The following MED1 variants were observed in gnomAD, a reference collection of about 807,000 sequenced individuals.
MED1 encodes mediator complex subunit 1.
MED1 carries 17 observed loss-of-function variants against 121.3 expected under a neutral mutation model. That is an observed-to-expected ratio of 0.14 (90% CI 0.10 to 0.21). The LOEUF (loss-of-function observed/expected upper bound fraction) is 0.21. MED1 is among the 10% of genes least tolerant of loss of function. The pLI, the probability that MED1 is intolerant of heterozygous loss-of-function variation, is 1.00. For synonymous variants in MED1, 661 were observed against 694.4 expected (o/e 0.95, Z 0.76); for missense variants, 1,558 against 1,919.4 (o/e 0.81, Z 3.52).
At chr17:39,447,294 G>A (rs2048737182) in intron 2 of MED1, among the ~76,000 whole-genome samples, 1 of 151,788 alleles carries the variant, frequency 6.6e-6, no homozygotes, top group African/African-American at 2.4e-5. Context: ...GGGAGGCTGA[G>A]GCAGAAGAAT....
At position 39,410,041 on chromosome 17, in the gene MED1, T is replaced by C. The variant is rs149954528; in HGVS notation, c.2180A>G (p.Asn727Ser). Reference protein sequence around the residue: ...VDSQNPIFDVNMTADTLDTPH... With the variant: ...VDSQNPIFDVSMTADTLDTPH... Reference sequence around the variant, plus strand: ...CGTATCCAGCGTGTCAGCTGTCATGTTGACATCAAAGATAGGGTTCTGTGA... The same window carrying C: ...CGTATCCAGCGTGTCAGCTGTCATGCTGACATCAAAGATAGGGTTCTGTGA... The change falls in exon 17 of 17, where the codon AAC (asparagine) becomes AGC (serine). Residue 727 changes from asparagine to serine, a missense_variant. By Grantham distance (46) the Asn-to-Ser change is conservative. Transcript: ENST00000300651. The C allele has an allele frequency of 1.4e-4, 226 of 1,614,130 alleles. No individual in the cohort carries two copies. The Middle Eastern group carries it at 4.8e-3, about 34-fold the overall frequency.
chr17:39,408,540 T>C lies in MED1; in HGVS notation c.3681A>G (p.Ser1227=). Residue 1227 remains serine (S), a synonymous_variant, in exon 17 of 17, where the codon TCA becomes TCG. Transcript: ENST00000300651. This position sits in a 1 kb window ranked among gnomAD's most constrained non-coding sequence, Gnocchi z 4.7. ...CAGACATATGAGAACCACCAGAACCTGAACTGATAGGGGACTTGGCTTTAG... is the reference window on the plus strand; with the variant it reads ...CAGACATATGAGAACCACCAGAACCCGAACTGATAGGGGACTTGGCTTTAG... ...PSSKAKSPIS[S]GSGGSHMSGT... 1 of 1,614,200 alleles carries C rather than the reference T, an allele frequency of 6.2e-7. No individual in the cohort carries two copies. The highest frequency in any genetic ancestry group is 2.2e-5 in the East Asian group (1 of 44,886).
At chr17:39,415,814 CAAAAAAA>C (rs61614470) in intron 14 of MED1, among the ~76,000 whole-genome samples, 8 of 40,638 alleles carry the variant, frequency 2.0e-4, no homozygotes, top group African/African-American at 7.1e-4. Flanking sequence ...GACTCCATCT[CAAAAAAA>C]AAAAAAAAAA....
chr17:39,407,818 C>G lies in MED1; in HGVS notation c.4403G>C (p.Gly1468Ala), dbSNP rs2048317632. 1 of 1,614,108 alleles carries G rather than the reference C, an allele frequency of 6.2e-7. No individual in the cohort carries two copies. Among genetic ancestry groups the G allele is most frequent in the East Asian group, 2.2e-5 (1 of 44,886 alleles). Residue 1468 changes from glycine (G) to alanine (A), a missense_variant, in exon 17 of 17, where the codon GGC (glycine) becomes GCC (alanine). Physicochemically the swap from Gly to Ala is moderately conservative, Grantham distance 60. Transcript: ENST00000300651. ...PQNLDSESES[G>A]SSIAEKSYQN... ...ATAAGATTTCTCTGCTATGGAGGAGCCTGACTCACTTTCACTGTCCAGATT... is the reference window on the plus strand; with the variant it reads ...ATAAGATTTCTCTGCTATGGAGGAGGCTGACTCACTTTCACTGTCCAGATT...
At chr17:39,449,973 C>T (rs2048766566) in intron 1 of MED1, among the ~76,000 whole-genome samples, 1 of 151,680 alleles carries the variant, frequency 6.6e-6, no homozygotes, top group Non-Finnish European at 1.5e-5. Flanking sequence ...CACCACCACG[C>T]CCGGCTAATT....
intron 14 of MED1, among the ~76,000 whole-genome samples, chr17:39,418,339 G>C (rs146644295): frequency 0.025 from 3,381 of 134,616 alleles, 104 homozygotes; most frequent in South Asian, 0.06. Context: ...AGGAGTTACA[G>C]ACGAACATGG....
rs2048301780 is a variant in MED1, at chr17:39,406,155, A to G, written c.*1320T>C. The G allele has an allele frequency of 1.0e-6, 1 of 985,468 alleles. No homozygotes were observed. Among genetic ancestry groups the G allele is most frequent in the Non-Finnish European group, 1.2e-6 (1 of 829,906 alleles). The allele number at this position is 985,468 out of a possible 1,614,324, so 61.0% of individuals were successfully genotyped here. A position where few individuals can be genotyped will look rare whatever the true frequency, so the allele number is the denominator to read the frequency against. On this transcript the variant is annotated 3_prime_UTR_variant, in exon 17 of 17. Coordinates refer to ENST00000300651, the MANE Select transcript of MED1 (RefSeq NM_004774.4). ...TCCCCCAGAATCCAGACTCAGACCT[A>G]TTTCTCCAAAAAGGTCCAATTGGGT... is the stretch of plus-strand genomic sequence containing the variant.
chr17:39,448,138 T>C (rs186301465), intron 1 of MED1, among the ~76,000 whole-genome samples: 163 of 150,944 alleles, frequency 1.1e-3, no homozygotes, highest in Non-Finnish European at 6.4e-4. Flanking sequence ...TATCCACCTT[T>C]TTTTTTTTTT....
At chr17:39,420,293 G>A (rs4795364) in intron 13 of MED1, among the ~76,000 whole-genome samples, 94,334 of 149,046 alleles carry the variant, frequency 0.63, 32,360 homozygotes, top group South Asian at 0.89. Flanking sequence ...TCCGCCTCCC[G>A]AGTTCATGCC....
chr17:39,422,990 C>T (rs941693395), intron 13 of MED1, among the ~76,000 whole-genome samples: 1 of 151,278 alleles, frequency 6.6e-6, no homozygotes, highest in Non-Finnish European at 1.5e-5. Flanking sequence ...CTCAGCCTCC[C>T]GAGTAGCTGG....
At position 39,407,479 on chromosome 17, in the gene MED1, T is replaced by C; in HGVS notation, c.4742A>G (p.Asn1581Ser). The C allele has an allele frequency of 6.3e-7, 1 of 1,591,738 alleles. No homozygotes were observed. Among genetic ancestry groups the C allele is most frequent in the African/African-American group, 1.4e-5 (1 of 73,810 alleles). ...DDLMDVALIG[N>S] ...TTCTTTTAGGAAATAAGGTTCCTAA[T>C]TCCCAATCAGGGCCACATCCATAAG... Residue 1581 changes from asparagine (N) to serine (S), a missense_variant, in exon 17 of 17, where the codon AAT (asparagine) becomes AGT (serine). By Grantham distance (46) the Asn-to-Ser change is conservative. This residue lies in a region of MED1 where 264 missense variants were observed against 326.1 expected (regional missense o/e 0.81). Transcript: ENST00000300651.
At chr17:39,423,551 G>A in intron 12 of MED1, 106 bp from the exon 13 acceptor site, 1 of 1,409,074 alleles carries the variant, frequency 7.1e-7, no homozygotes. Flanking sequence ...TACTTACTAA[G>A]CATTTACTAG....
At chr17:39,416,636 T>C (rs1202858011) in intron 14 of MED1, among the ~76,000 whole-genome samples, 1 of 152,156 alleles carries the variant, frequency 6.6e-6, no homozygotes, top group Non-Finnish European at 1.5e-5. Flanking sequence ...ATGCTCTATG[T>C]TATTACTCCA....
chr17:39,445,532 T>C (rs2048718325), intron 2 of MED1: 1 of 151,994 alleles, frequency 6.6e-6, no homozygotes, highest in Non-Finnish European at 1.5e-5. Context: ...TATAAAATCT[T>C]GATGTACCAA....
In MED1 at chr17:39,410,052, G is replaced by A. The variant is rs772852403; in HGVS notation, c.2169C>T (p.Ile723=). The change falls in exon 17 of 17, where the codon ATC becomes ATT. Residue 723 remains isoleucine, a synonymous_variant. Transcript: ENST00000300651. Reference sequence around the variant, plus strand: ...TGTCAGCTGTCATGTTGACATCAAAGATAGGGTTCTGTGAGTCAACATCCA... The same window carrying A: ...TGTCAGCTGTCATGTTGACATCAAAAATAGGGTTCTGTGAGTCAACATCCA... ...FSMDVDSQNP[I]FDVNMTADTL... is the part of the protein sequence containing the mutation. 9.3e-6 allele frequency: 15 copies of A among 1,614,040 alleles called. No individual in the cohort carries two copies. In the African/African-American group the frequency reaches 1.7e-4, roughly 19 times the overall value.
chr17:39,407,867 T>C lies in MED1; in HGVS notation c.4354A>G (p.Lys1452Glu). 1 of 1,614,160 alleles carries C rather than the reference T, an allele frequency of 6.2e-7. No individual in the cohort carries two copies. Among genetic ancestry groups the C allele is most frequent in the Non-Finnish European group, 8.5e-7 (1 of 1,180,028 alleles). ...TTCTGGGGGGTATATGCTGGTGACTTACTATGGCTGGGAGAGCCACGCTCA... is the reference window on the plus strand; with the variant it reads ...TTCTGGGGGGTATATGCTGGTGACTCACTATGGCTGGGAGAGCCACGCTCA... Reference protein sequence around the residue: ...KHERGSPSHSKSPAYTPQNLD... With the variant: ...KHERGSPSHSESPAYTPQNLD... The change falls in exon 17 of 17, where the codon AAG becomes GAG. Residue 1452 changes from lysine to glutamate, a missense_variant. Physicochemically the swap from Lys to Glu is moderately conservative, Grantham distance 56. Transcript: ENST00000300651.
At chr17:39,442,535 T>A (rs1028419878) in intron 3 of MED1, among the ~76,000 whole-genome samples, 6 of 145,484 alleles carry the variant, frequency 4.1e-5, no homozygotes, top group Non-Finnish European at 7.5e-5. Flanking sequence ...AGGTGGAGGT[T>A]GCAGTGAGCC....
chr17:39,441,418 C>G (rs2048673625), intron 3 of MED1, among the ~76,000 whole-genome samples: 1 of 152,164 alleles, frequency 6.6e-6, no homozygotes, highest in Admixed American at 6.6e-5. Context: ...CGCTACTGAA[C>G]TATACACTTA....
Position 39,407,456 on chromosome 17 carries a change from CT to C in MED1, c.*18del. On this transcript the variant is annotated 3_prime_UTR_variant, in exon 17 of 17. Transcript: ENST00000300651. ...AGTTTTTTTTCCTCTGGCCCTGTTT[CT>C]TTTAGGAAATAAGGTTCCTAATTCC... 1 of 1,578,654 alleles carries C rather than the reference CT, an allele frequency of 6.3e-7. No individual in the cohort carries two copies. The highest frequency in any genetic ancestry group is 8.6e-7 in the Non-Finnish European group (1 of 1,164,572).
Sources: gnomAD v4.1 joint callset for allele counts (sites outside exome capture counted in the v4.1 genomes callset) on GRCh38, gnomAD v4.1.1 for gene constraint, gnomAD v4.1.1 regional missense constraint, Gnocchi (gnomAD v3.1) non-coding constraint, MANE v1.5 for transcripts, NCBI Gene and HGNC (gene_info 2026-07-23, HGNC 2026-07-21) for gene names.